Variants in ZNF557 observed in about 807,000 individuals in gnomAD.
The protein encoded by ZNF557 is zinc finger protein 557.
ZNF557 carries 19 observed loss-of-function variants against 21.2 expected under a neutral mutation model. That is an observed-to-expected ratio of 0.90 (90% CI 0.63 to 1.32). The LOEUF (loss-of-function observed/expected upper bound fraction) is 1.32. Among genes scored for constraint, ZNF557 ranks in the 40% most tolerant of loss-of-function variants. The pLI is 0.00. For missense variants in ZNF557, 487 were observed against 519.8 expected, an observed-to-expected ratio of 0.94 and a Z score of 0.61; for synonymous variants, 207 against 194.8, an observed-to-expected ratio of 1.06 and a Z score of -0.52.
chr19:7,079,240 CTTTTT>C (rs71177151), intron 5 of ZNF557, among the ~76,000 whole-genome samples: 5 of 87,496 alleles, frequency 5.7e-5, no homozygotes, highest in Non-Finnish European at 9.0e-5. Flanking sequence ...TTTTTTGTTT[CTTTTT>C]TTTTTTTTTT....
chr19:7,074,930 G>T, intron 2 of ZNF557, 66 bp from the exon 3 acceptor site: 6 of 1,371,116 alleles, frequency 4.4e-6, no homozygotes, highest in Non-Finnish European at 6.1e-6. Context: ...AGGAGACGGG[G>T]TGACCGACGC....
At chr19:7,072,982 G>A (rs1051989582) in intron 2 of ZNF557, among the ~76,000 whole-genome samples, 2 of 152,132 alleles carry the variant, frequency 1.3e-5, no homozygotes, top group Non-Finnish European at 2.9e-5. Flanking sequence ...GAAATGCTAT[G>A]CCTGGTTTGG....
intron 5 of ZNF557, among the ~76,000 whole-genome samples, chr19:7,079,303 G>A (rs1281322508): frequency 7.1e-6 from 1 of 140,744 alleles, no homozygotes. Context: ...GTGCAGTGGT[G>A]CAATCTTGGC....
chr19:7,084,063 T>G lies in ZNF557; in HGVS notation c.*319T>G. 3.7e-6 allele frequency: 1 copy of G among 270,102 alleles called. No homozygotes were observed. The highest frequency in any genetic ancestry group is 7.1e-6 in the Non-Finnish European group (1 of 141,214). 16.7% of individuals were successfully genotyped at this position (270,102 alleles called of 1,614,324 possible). A position where few individuals can be genotyped will look rare whatever the true frequency, so the allele number is the denominator to read the frequency against. ...GCCCGACAAGTGCATGCTAGCTGTT[T>G]CCAAGGGAGCTGCGCTTCCAAATCA... On this transcript the variant is annotated 3_prime_UTR_variant, in exon 8 of 8. Transcript: ENST00000252840.
chr19:7,082,127 C>G lies in ZNF557; in HGVS notation c.426+75C>G, dbSNP rs947966797. ...ACATGAGAAAAGCCACAAGGACTGGCCTTGTTGGCCAGGCACAGTGGCTCA... is the reference window on the plus strand; with the variant it reads ...ACATGAGAAAAGCCACAAGGACTGGGCTTGTTGGCCAGGCACAGTGGCTCA... On this transcript the variant is annotated intron_variant, in intron 7 of 7. Coordinates refer to ENST00000252840, the MANE Select transcript of ZNF557 (RefSeq NM_024341.3). 35 of 1,227,030 alleles carry G rather than the reference C, an allele frequency of 2.9e-5. No individual in the cohort carries two copies. The Admixed American group carries it at 3.6e-4, about 12-fold the overall frequency. 76.0% of individuals were successfully genotyped at this position (1,227,030 alleles called of 1,614,324 possible). A position where few individuals can be genotyped will look rare whatever the true frequency, so the allele number is the denominator to read the frequency against.
At chr19:7,072,928 A>C (rs1417192571) in intron 2 of ZNF557, among the ~76,000 whole-genome samples, 1 of 151,914 alleles carries the variant, frequency 6.6e-6, no homozygotes, top group Admixed American at 6.6e-5. Context: ...CAACGTCGGG[A>C]CCCTAGGGCT....
At chr19:7,081,214 G>A (rs1035830434) in intron 5 of ZNF557, 146 bp from the exon 6 acceptor site, 6 of 403,998 alleles carry the variant, frequency 1.5e-5, no homozygotes, top group East Asian at 5.6e-5. Flanking sequence ...TGTTTAAGAC[G>A]GTTGCTATAT....
At chr19:7,070,285 C>T (rs889170771) in intron 1 of ZNF557, among the ~76,000 whole-genome samples, 1 of 152,180 alleles carries the variant, frequency 6.6e-6, no homozygotes. Context: ...TCTGGAGTCA[C>T]CATACAATCT....
intron 2 of ZNF557, among the ~76,000 whole-genome samples, chr19:7,073,343 A>G (rs1481531954): frequency 6.6e-6 from 1 of 151,866 alleles, no homozygotes. Context: ...TTTAGTAGAG[A>G]CAAGGTTTCA....
intron 2 of ZNF557, among the ~76,000 whole-genome samples, chr19:7,073,136 T>C (rs996766564): frequency 7.6e-6 from 1 of 132,388 alleles, no homozygotes; most frequent in Non-Finnish European, 1.6e-5. Context: ...AATACAGATA[T>C]TTGTTTTTTT....
Position 7,083,367 on chromosome 19 carries a change from T to C in ZNF557, c.916T>C (p.Ser306Pro). 6.2e-7 allele frequency: 1 copy of C among 1,614,196 alleles called. No homozygotes were observed. Among genetic ancestry groups the C allele is most frequent in the Non-Finnish European group, 8.5e-7 (1 of 1,180,046 alleles). The change falls in exon 8 of 8, where the codon TCT becomes CCT. Residue 306 changes from serine to proline, a missense_variant. Physicochemically the swap from Ser to Pro is moderately conservative, Grantham distance 74. Coordinates refer to ENST00000252840, the MANE Select transcript of ZNF557 (RefSeq NM_024341.3). ...TGGAAAGGCTTTCGGCACGAGGTCA[T>C]CTCTTTCTTCGCACTATAGCATTCA... Reference protein sequence around the residue: ...QCGKAFGTRSSLSSHYSIHTG... With the variant: ...QCGKAFGTRSPLSSHYSIHTG...
At position 7,085,096 on chromosome 19, in the gene ZNF557, A is replaced by G. The variant is rs1977805742; in HGVS notation, c.*1352A>G. On this transcript the variant is annotated 3_prime_UTR_variant, in exon 8 of 8. Transcript: ENST00000252840. ...TTTTAAGAAGTGAGATTCATACTAG[A>G]AAAACCATTGAATTCCATCAGTATT... The G allele has an allele frequency of 6.6e-6, 1 of 152,214 alleles. No individual in the cohort carries two copies. The highest frequency in any genetic ancestry group is 2.1e-4 in the South Asian group (1 of 4,832). 9.4% of individuals were successfully genotyped at this position (152,214 alleles called of 1,614,324 possible). A position where few individuals can be genotyped will look rare whatever the true frequency, so the allele number is the denominator to read the frequency against.
At chr19:7,074,421 C>G (rs1188614609) in intron 2 of ZNF557, among the ~76,000 whole-genome samples, 1 of 151,288 alleles carries the variant, frequency 6.6e-6, no homozygotes, top group Non-Finnish European at 1.5e-5. Flanking sequence ...TTTTTTTCCC[C>G]TTAAATTTAC....
At position 7,085,082 on chromosome 19, in the gene ZNF557, G is replaced by GAGAT; in HGVS notation, c.*1339_*1342dup. On this transcript the variant is annotated 3_prime_UTR_variant, in exon 8 of 8. Transcript: ENST00000252840. ...AATATTCTCTCCATTTTTAAGAAGTGAGATTCATACTAGAAAAACCATTGA... is the reference window on the plus strand; with the variant it reads ...AATATTCTCTCCATTTTTAAGAAGTGAGATAGATTCATACTAGAAAAACCATTGA... 1 of 152,306 alleles carries GAGAT rather than the reference G, an allele frequency of 6.6e-6. No individual in the cohort carries two copies. The highest frequency in any genetic ancestry group is 1.9e-4 in the East Asian group (1 of 5,186). 9.4% of individuals were successfully genotyped at this position (152,306 alleles called of 1,614,324 possible). A position where few individuals can be genotyped will look rare whatever the true frequency, so the allele number is the denominator to read the frequency against.
At position 7,084,107 on chromosome 19, in the gene ZNF557, G is replaced by C. The variant is rs887851259; in HGVS notation, c.*363G>C. On this transcript the variant is annotated 3_prime_UTR_variant, in exon 8 of 8. Transcript: ENST00000252840. ...CAAATCACGTAGGCCTCTCAACAGGGCTGAGTTTCTTTATGGAAGCAACTT... is the reference window on the plus strand; with the variant it reads ...CAAATCACGTAGGCCTCTCAACAGGCCTGAGTTTCTTTATGGAAGCAACTT... The C allele has an allele frequency of 4.1e-5, 8 of 196,664 alleles. No individual in the cohort carries two copies. The East Asian group carries it at 1.1e-3, about 27-fold the overall frequency. 12.2% of individuals were successfully genotyped at this position (196,664 alleles called of 1,614,324 possible). A position where few individuals can be genotyped will look rare whatever the true frequency, so the allele number is the denominator to read the frequency against.
chr19:7,080,941 G>A (rs1977685940), intron 5 of ZNF557, among the ~76,000 whole-genome samples: 1 of 152,178 alleles, frequency 6.6e-6, no homozygotes. Flanking sequence ...GTGCTGGGAT[G>A]TGGGAGTAGT....
At chr19:7,081,153 GTGTGTGTGT>G (rs1568409342) in intron 5 of ZNF557, among the ~76,000 whole-genome samples, 198 bp from the exon 6 acceptor site, 106 of 8,068 alleles carry the variant, frequency 0.013, 2 homozygotes, top group South Asian at 7.9e-3. Context: ...CTTGTGGGGT[GTGTGTGTGT>G]GTGTGTGTGT....
At chr19:7,081,824 A>G (rs1977712729) in intron 6 of ZNF557, 146 bp from the exon 7 acceptor site, 1 of 618,786 alleles carries the variant, frequency 1.6e-6, no homozygotes, top group East Asian at 2.7e-5. Context: ...AAATTTTCAC[A>G]CCCATATCTC....
chr19:7,079,035 C>T (rs1977638595), intron 5 of ZNF557, among the ~76,000 whole-genome samples: 1 of 151,884 alleles, frequency 6.6e-6, no homozygotes. Flanking sequence ...TAATTTCCAT[C>T]TCTTTATGAT....
Sources: allele counts gnomAD v4.1 joint callset (sites outside exome capture counted in the v4.1 genomes callset), GRCh38; gene constraint gnomAD v4.1.1; transcripts MANE v1.5; gene names NCBI Gene and HGNC (gene_info 2026-07-23, HGNC 2026-07-21).